The following ERC1 variants were observed in gnomAD, a reference collection of about 807,000 sequenced individuals.
ERC1 encodes ELKS/RAB6-interacting/CAST family member 1.
Under a neutral mutation model 132.0 loss-of-function variants are expected in ERC1, and 56 were observed. The ratio of observed to expected loss-of-function variants is 0.42; its 90% CI spans 0.34 to 0.53. The LOEUF (loss-of-function observed/expected upper bound fraction) is 0.53. Among genes scored for constraint, ERC1 ranks in the 20% least tolerant of loss-of-function variants. The pLI is 0.03. For synonymous variants in ERC1, 478 were observed against 476.1 expected (o/e 1.00, Z -0.05); for missense variants, 1,202 against 1,349.9 (o/e 0.89, Z 1.72).
chr12:1,096,856 C>A (rs1218170204), intron 3 of ERC1, among the ~76,000 whole-genome samples: 1 of 152,150 alleles, frequency 6.6e-6, no homozygotes, highest in Admixed American at 6.5e-5. Flanking sequence ...TGAACCAACC[C>A]AGCCAGAACT....
chr12:1,321,115 G>A (rs1284953634), intron 15 of ERC1, among the ~76,000 whole-genome samples: 1 of 152,228 alleles, frequency 6.6e-6, no homozygotes, highest in Non-Finnish European at 1.5e-5. Context: ...AACATGGCGA[G>A]TGCGGGGGAA....
At chr12:1,171,918 A>T (rs949160694) in intron 8 of ERC1, among the ~76,000 whole-genome samples, 10 of 152,190 alleles carry the variant, frequency 6.6e-5, no homozygotes, top group African/African-American at 2.4e-4. Flanking sequence ...GATGTCAATA[A>T]ATCTGTGCCA....
At chr12:1,336,222 T>G (rs2154360058) in intron 15 of ERC1, among the ~76,000 whole-genome samples, 1 of 152,296 alleles carries the variant, frequency 6.6e-6, no homozygotes, top group Middle Eastern at 3.4e-3. Flanking sequence ...TCATTGATCC[T>G]TTATATGGGT....
rs532033029 is a variant in ERC1, at chr12:1,495,747, C to T, written c.*5517C>T. Reference sequence around the variant, plus strand: ...TGGTGGTGTCTGGGATGCACGTGCACCCGCTGCCTTCAGCTGTATGTGTGT... The same window carrying T: ...TGGTGGTGTCTGGGATGCACGTGCATCCGCTGCCTTCAGCTGTATGTGTGT... On this transcript the variant is annotated 3_prime_UTR_variant, in exon 19 of 19. Transcript: ENST00000360905. The T allele has an allele frequency of 1.3e-3, 288 of 223,632 alleles. No homozygotes were observed. The highest frequency in any genetic ancestry group is 2.3e-3 in the Non-Finnish European group (252 of 111,980). The allele number at this position is 223,632 out of a possible 1,614,324, so 13.9% of individuals were successfully genotyped here.
intron 9 of ERC1, 43 bp downstream of exon 9, chr12:1,180,720 C>G (rs765054595): frequency 1.9e-6 from 3 of 1,610,566 alleles, no homozygotes; most frequent in Admixed American, 3.4e-5. Context: ...TTTCTGCTTT[C>G]TCATTAATCT....
At chr12:1,181,798 AGTGGATTCTTT>A in intron 9 of ERC1, 116 bp from the exon 10 acceptor site, 1 of 1,013,282 alleles carries the variant, frequency 9.9e-7, no homozygotes, top group Non-Finnish European at 1.4e-6. Flanking sequence ...AAAAAAAAAA[AGTGGATTCTTT>A]AAAAACTTAC....
Position 1,491,544 on chromosome 12 carries a change from C to T in ERC1, c.*1314C>T, listed in dbSNP as rs979386525. 3 of 229,828 alleles carry T rather than the reference C, an allele frequency of 1.3e-5. No homozygotes were observed. Among genetic ancestry groups the T allele is most frequent in the South Asian group, 1.8e-4 (1 of 5,480 alleles). The allele number at this position is 229,828 out of a possible 1,614,324, so 14.2% of individuals were successfully genotyped here. ...GTAAATAGCATGTCCTTCCCCTCCC[C>T]GATCTTAAGGTGTGTTTTCTAGAAA... On this transcript the variant is annotated 3_prime_UTR_variant, in exon 19 of 19. Coordinates refer to ENST00000360905, the MANE Select transcript of ERC1 (RefSeq NM_178040.4).
intron 11 of ERC1, among the ~76,000 whole-genome samples, chr12:1,184,142 AAAAAAAAAAAG>A (rs1169288905): frequency 4.1e-5 from 5 of 123,332 alleles, no homozygotes; most frequent in Non-Finnish European, 1.0e-4. Context: ...TCTCACAAAA[AAAAAAAAAAAG>A]AAAAAAAAAA....
chr12:1,370,913 A>T lies in ERC1; in HGVS notation c.2781-920A>T, dbSNP rs541267365. Among the ~76,000 whole-genome samples the T allele has an allele frequency of 3.3e-5, 5 of 152,242 alleles. No homozygotes were observed. The South Asian group carries it at 1.0e-3, about 32-fold the overall frequency. On this transcript the variant is annotated intron_variant, in intron 15 of 18. Coordinates refer to ENST00000360905, the MANE Select transcript of ERC1 (RefSeq NM_178040.4). ...CAGCTAATTTTTGTATGGTTTTGCC[A>T]TGTTGCCCAGGCTGGTCTCAAATTC...
chr12:1,007,725 TAAATA>T (rs988737037), intron 1 of ERC1, among the ~76,000 whole-genome samples: 2 of 152,112 alleles, frequency 1.3e-5, no homozygotes, highest in African/African-American at 4.8e-5. Flanking sequence ...TAAACTAATT[TAAATA>T]AAATAAGATT....
intron 18 of ERC1, among the ~76,000 whole-genome samples, chr12:1,475,240 T>C (rs1273751346): frequency 1.3e-5 from 2 of 152,200 alleles, no homozygotes; most frequent in Admixed American, 6.5e-5. Context: ...ATGCTTCAAA[T>C]TTGAACTTAA....
intron 1 of ERC1, among the ~76,000 whole-genome samples, chr12:994,331 CTTATTTATTTTTT>C (rs1960350872): frequency 6.6e-6 from 1 of 150,598 alleles, no homozygotes. Flanking sequence ...GTTTTTTTTT[CTTATTTATTTTTT>C]GTGTGTGGAA....
At chr12:1,101,097 C>T (rs1565966040) in intron 3 of ERC1, among the ~76,000 whole-genome samples, 1 of 152,046 alleles carries the variant, frequency 6.6e-6, no homozygotes, top group Non-Finnish European at 1.5e-5. Flanking sequence ...ATGTGGAGGT[C>T]GTCAGTGACC....
At chr12:1,104,218 A>G (rs962379751) in intron 3 of ERC1, among the ~76,000 whole-genome samples, 4 of 152,022 alleles carry the variant, frequency 2.6e-5, no homozygotes, top group African/African-American at 9.7e-5. Flanking sequence ...TTTCTTCCTA[A>G]CTGTAGCACC....
chr12:1,046,725 A>G (rs1257317015), intron 2 of ERC1, among the ~76,000 whole-genome samples: 1 of 152,208 alleles, frequency 6.6e-6, no homozygotes, highest in Non-Finnish European at 1.5e-5. Flanking sequence ...ATTAACCATC[A>G]TAACAATTTT....
intron 18 of ERC1, among the ~76,000 whole-genome samples, chr12:1,479,455 A>C (rs1054080473): frequency 1.7e-4 from 26 of 152,182 alleles, no homozygotes; most frequent in African/African-American, 6.0e-4. Context: ...CAAATATTTT[A>C]TGGTTTCAAT....
intron 15 of ERC1, among the ~76,000 whole-genome samples, chr12:1,355,532 A>C (rs1361523572): frequency 6.6e-6 from 1 of 152,178 alleles, no homozygotes; most frequent in Non-Finnish European, 1.5e-5. Flanking sequence ...TTGACCGTGG[A>C]AATCTTTTGT....
intron 1 of ERC1, among the ~76,000 whole-genome samples, chr12:1,025,566 T>C (rs961506088): frequency 2.6e-5 from 4 of 152,204 alleles, no homozygotes; most frequent in African/African-American, 9.6e-5. Context: ...AAGGATATTC[T>C]TCAAAATTTT....
At chr12:1,000,167 G>A (rs909886557) in intron 1 of ERC1, among the ~76,000 whole-genome samples, 1 of 152,014 alleles carries the variant, frequency 6.6e-6, no homozygotes. Flanking sequence ...ATGCATTTAT[G>A]TTTGGAAGCC....
Sources: gnomAD v4.1 joint callset for allele counts (sites outside exome capture counted in the v4.1 genomes callset) on GRCh38, gnomAD v4.1.1 for gene constraint, MANE v1.5 for transcripts, NCBI Gene and HGNC (gene_info 2026-07-23, HGNC 2026-07-21) for gene names.